Variants in FARS2 observed in about 807,000 individuals in gnomAD.
FARS2 encodes phenylalanyl-tRNA synthetase 2, mitochondrial.
Under a neutral mutation model 46.4 loss-of-function variants are expected in FARS2, and 40 were observed. That is an observed-to-expected ratio of 0.86 (90% CI 0.67 to 1.12). FARS2 has a LOEUF of 1.12. Ranked by LOEUF, FARS2 falls within the 50% of genes most tolerant of loss-of-function variation. The pLI, the probability that FARS2 is intolerant of heterozygous loss-of-function variation, is 0.00. For missense variants in FARS2, 513 were observed against 567.9 expected (o/e 0.90, Z 0.98); for synonymous variants, 234 against 214.9 (o/e 1.09, Z -0.78).
At chr6:5,260,732 A>G, upstream of FARS2, 1 of 1,545,858 alleles carries the variant, frequency 6.5e-7, no homozygotes, top group Non-Finnish European at 8.7e-7. Context: ...GGAGGCTGCC[A>G]TTTTGGAAAG....
chr6:5,466,897 C>T, intron 4 of FARS2: 1 of 985,416 alleles, frequency 1.0e-6, no homozygotes, highest in South Asian at 4.7e-5. Flanking sequence ...CCCATGAGCA[C>T]ATGGGCACCT....
chr6:5,491,492 C>T (rs772555922), intron 4 of FARS2, among the ~76,000 whole-genome samples: 8 of 152,136 alleles, frequency 5.3e-5, no homozygotes, highest in East Asian at 1.9e-4. Context: ...AAGAATCATG[C>T]GCCATTGATG....
At chr6:5,669,542 A>G (rs1285860542) in intron 6 of FARS2, among the ~76,000 whole-genome samples, 1 of 152,136 alleles carries the variant, frequency 6.6e-6, no homozygotes, top group Non-Finnish European at 1.5e-5. Context: ...GTCAGCCCCC[A>G]GGGCTTGCTG....
intron 5 of FARS2, among the ~76,000 whole-genome samples, chr6:5,546,518 G>A (rs574893048): frequency 6.6e-6 from 1 of 151,738 alleles, no homozygotes; most frequent in African/African-American, 2.4e-5. Flanking sequence ...CCGAAGTGCT[G>A]GGATTACAGG....
chr6:5,752,121 C>T, intron 6 of FARS2, among the ~76,000 whole-genome samples: 1 of 152,176 alleles, frequency 6.6e-6, no homozygotes, highest in Admixed American at 6.5e-5. Context: ...CCCTACCCTC[C>T]TCTTCCAGGA....
chr6:5,277,762 A>T (rs1407664138), intron 1 of FARS2, among the ~76,000 whole-genome samples: 3 of 152,234 alleles, frequency 2.0e-5, no homozygotes, highest in Non-Finnish European at 4.4e-5. Flanking sequence ...CATGATTGAT[A>T]ATATGCAAGA....
chr6:5,634,286 C>A (rs73360270), intron 6 of FARS2, among the ~76,000 whole-genome samples: 7,360 of 152,072 alleles, frequency 0.048, 612 homozygotes, highest in African/African-American at 0.17. Context: ...GATACAAAAC[C>A]AATTATTTTG....
chr6:5,344,182 T>C (rs1206340010), intron 1 of FARS2, among the ~76,000 whole-genome samples: 1 of 152,206 alleles, frequency 6.6e-6, no homozygotes, highest in Non-Finnish European at 1.5e-5. Flanking sequence ...GGAAAGCCAC[T>C]GCAGCTGTTT....
chr6:5,251,066 C>T, the FARS2 span, among the ~76,000 whole-genome samples: 5 of 152,198 alleles, frequency 3.3e-5, no homozygotes, highest in African/African-American at 4.8e-5. Flanking sequence ...TTTCTTGAGC[C>T]GTCCTTATAT....
intron 1 of FARS2, among the ~76,000 whole-genome samples, chr6:5,341,226 TATATA>T (rs1561970098): frequency 3.7e-3 from 29 of 7,832 alleles, no homozygotes; most frequent in African/African-American, 0.011. Context: ...TATATATATA[TATATA>T]TATATTTTTT....
chr6:5,607,031 A>T (rs1774875493), intron 5 of FARS2, among the ~76,000 whole-genome samples: 1 of 152,138 alleles, frequency 6.6e-6, no homozygotes, highest in East Asian at 1.9e-4. Flanking sequence ...TGAAAACTCC[A>T]TAGAGCACTG....
chr6:5,681,931 C>T (rs1456113043), intron 6 of FARS2, among the ~76,000 whole-genome samples: 2 of 140,378 alleles, frequency 1.4e-5, no homozygotes, highest in Non-Finnish European at 3.1e-5. Context: ...ACAGTTTGCT[C>T]TAATAAACTA....
chr6:5,429,312 G>C (rs1763029451), intron 3 of FARS2, among the ~76,000 whole-genome samples: 1 of 152,186 alleles, frequency 6.6e-6, no homozygotes, highest in South Asian at 2.1e-4. Context: ...ACAGAAATCA[G>C]TTGACACTTG....
intron 1 of FARS2, among the ~76,000 whole-genome samples, chr6:5,357,353 T>C (rs1205691542): frequency 2.0e-5 from 3 of 152,218 alleles, no homozygotes; most frequent in Admixed American, 2.0e-4. Flanking sequence ...CTTTTAAGGA[T>C]AGACATATTG....
intron 6 of FARS2, among the ~76,000 whole-genome samples, chr6:5,710,283 T>C (rs1047079426): frequency 1.3e-5 from 2 of 152,210 alleles, no homozygotes; most frequent in African/African-American, 4.8e-5. Context: ...TCACTGTGGG[T>C]CACTGACTGT....
the FARS2 span, among the ~76,000 whole-genome samples, chr6:5,250,044 A>G: frequency 6.6e-6 from 1 of 152,254 alleles, no homozygotes. Context: ...CTACTGCAAC[A>G]AAGAATAATT....
At chr6:5,623,281 G>A (rs1217155209) in intron 6 of FARS2, among the ~76,000 whole-genome samples, 1 of 152,224 alleles carries the variant, frequency 6.6e-6, no homozygotes, top group Non-Finnish European at 1.5e-5. Context: ...ACAACTGGGA[G>A]CCTTGGACTT....
chr6:5,423,554 C>T (rs564081319), intron 3 of FARS2, among the ~76,000 whole-genome samples: 5 of 152,160 alleles, frequency 3.3e-5, no homozygotes, highest in African/African-American at 1.2e-4. Flanking sequence ...GAGGAAATCG[C>T]CTGCCTTTTA....
At chr6:5,672,932 G>A (rs1582726228) in intron 6 of FARS2, among the ~76,000 whole-genome samples, 1 of 152,252 alleles carries the variant, frequency 6.6e-6, no homozygotes, top group East Asian at 1.9e-4. Context: ...AGCCCTCTGG[G>A]CCCTCTTTCT....
Sources: gnomAD v4.1 joint callset for allele counts (sites outside exome capture counted in the v4.1 genomes callset) on GRCh38, gnomAD v4.1.1 for gene constraint, MANE v1.5 for transcripts, NCBI Gene and HGNC (gene_info 2026-07-23, HGNC 2026-07-21) for gene names.